The following ARMCX4 variants were observed in gnomAD, a reference collection of about 807,000 sequenced individuals.
ARMCX4 encodes armadillo repeat containing X-linked 4, also known as armadillo repeat-containing X-linked protein 4.
In ARMCX4, 3 loss-of-function variants were observed where a neutral mutation model predicts 34.7. The ratio of observed to expected loss-of-function variants is 0.09; its 90% CI spans 0.04 to 0.22. ARMCX4 has a LOEUF of 0.22. Among genes scored for constraint, ARMCX4 ranks in the 10% least tolerant of loss-of-function variants. The pLI is 1.00. For missense variants in ARMCX4, 1,448 were observed against 1,720.8 expected, an observed-to-expected ratio of 0.84 and a Z score of 2.81; for synonymous variants, 513 against 632.8, an observed-to-expected ratio of 0.81 and a Z score of 2.84.
At chrX:101,519,231 T>G (rs1400408258) in intron 11 of ARMCX4, among the ~76,000 whole-genome samples, 2 of 111,538 alleles carry the variant, frequency 1.8e-5, no homozygotes, top group Non-Finnish European at 3.8e-5. Context: ...TTCAGTTCTG[T>G]TAACTATAAG....
intron 1 of ARMCX4, among the ~76,000 whole-genome samples, 199 bp downstream of exon 1, chrX:101,485,729 T>G: frequency 8.9e-6 from 1 of 112,317 alleles, no homozygotes; most frequent in East Asian, 2.8e-4. Context: ...GGGGAGATTG[T>G]CTCTGCCAGA....
At chrX:101,529,634 C>A (rs781834131) in intron 11 of ARMCX4, among the ~76,000 whole-genome samples, 2 of 112,044 alleles carry the variant, frequency 1.8e-5, no homozygotes, top group African/African-American at 6.5e-5. Flanking sequence ...AACAAATTTA[C>A]AAGAAAAAAT....
chrX:101,425,235 G>A (rs1555990722), intron 2 of ARMCX4, among the ~76,000 whole-genome samples: 2 of 111,644 alleles, frequency 1.8e-5, no homozygotes. Context: ...AATGTCCATT[G>A]CTGCTCAGAG....
rs1262784579 is a variant in ARMCX4 at position 101,492,557 on chromosome X, C to A, written c.3968C>A (p.Ala1323Asp). 7 of 1,130,066 alleles carry A rather than the reference C, an allele frequency of 6.2e-6. No individual in the cohort carries two copies. The African/African-American group carries it at 1.3e-4, about 21-fold the overall frequency. 93.1% of individuals were successfully genotyped at this position (1,130,066 alleles called of 1,213,427 possible). A position where few individuals can be genotyped will look rare whatever the true frequency, so the allele number is the denominator to read the frequency against. The change falls in exon 6 of 6, where the codon GCC (alanine) becomes GAC (aspartate). Residue 1323 changes from alanine (A) to aspartate (D), a missense_variant. This residue lies in a region of ARMCX4 where 1,343 missense variants were observed against 1,540.7 expected (regional missense o/e 0.87). Coordinates refer to ENST00000423738, the MANE Select transcript of ARMCX4 (RefSeq NM_001256155.3). ...TCCAAGCCTAGATTTGAGGATCAAG[C>A]CAGTGGAGAAGGGTCCTGGGCTGGG... is the stretch of plus-strand genomic sequence containing the variant. ...GGSKPRFEDQ[A>D]SGEGSWAGAG... is the part of the protein sequence containing the mutation.
chrX:101,431,849 A>G (rs993173808), intron 2 of ARMCX4, among the ~76,000 whole-genome samples: 3 of 112,360 alleles, frequency 2.7e-5, no homozygotes, highest in African/African-American at 3.2e-5. Flanking sequence ...GGCCTGCACC[A>G]TGTTTCTTAA....
Position 101,492,844 on chromosome X carries a change from G to GACC in ARMCX4, c.4257_4259dup (p.Asp1419_Gln1420insHis). The GACC allele has an allele frequency of 8.7e-7, 1 of 1,155,282 alleles. No individual in the cohort carries two copies. The highest frequency in any genetic ancestry group is 1.1e-6 in the Non-Finnish European group (1 of 872,639). ...TGGAGGGTCCAAGGTGGGGCCTGAA[G>GACC]ACCAGTCCAGTGGAAGGTCATGGGC... On this transcript the variant is annotated inframe_insertion, in exon 6 of 6. Coordinates refer to ENST00000423738, the MANE Select transcript of ARMCX4 (RefSeq NM_001256155.3).
At chrX:101,485,942 C>T in intron 1 of ARMCX4, 81 bp from the exon 2 acceptor site, 1 of 111,415 alleles carries the variant, frequency 9.0e-6, no homozygotes, top group South Asian at 3.8e-4. Flanking sequence ...TTCCTGAACC[C>T]GGAAAGGCGA....
chrX:101,483,739 A>C (rs1225759180), upstream of ARMCX4, among the ~76,000 whole-genome samples: 1 of 109,741 alleles, frequency 9.1e-6, no homozygotes, highest in Non-Finnish European at 1.9e-5. Context: ...CAATTAATTT[A>C]TCAATATTTT....
chrX:101,454,417 A>G (rs1473318613), intron 4 of ARMCX4, among the ~76,000 whole-genome samples: 83 of 107,247 alleles, frequency 7.7e-4, no homozygotes, highest in Non-Finnish European at 6.1e-4. Flanking sequence ...CTGGGACTAT[A>G]GGTGCCTGCC....
chrX:101,469,913 GAAT>G (rs1932861566), intron 4 of ARMCX4, among the ~76,000 whole-genome samples: 1 of 111,615 alleles, frequency 9.0e-6, no homozygotes. Context: ...AGAAATTTCT[GAAT>G]AACCTGTCCC....
At chrX:101,534,802 T>G (rs1356592498), downstream of ARMCX4, among the ~76,000 whole-genome samples, 2 of 111,736 alleles carry the variant, frequency 1.8e-5, no homozygotes, top group Non-Finnish European at 3.8e-5. Context: ...CAATCCAGGC[T>G]GCATATGCAC....
chrX:101,512,285 G>C (rs1458155432), intron 11 of ARMCX4, among the ~76,000 whole-genome samples: 2 of 111,610 alleles, frequency 1.8e-5, no homozygotes, highest in African/African-American at 6.5e-5. Flanking sequence ...GCAGGAGAAT[G>C]GCTTGAACCC....
chrX:101,482,274 T>C (rs1933484574), upstream of ARMCX4, among the ~76,000 whole-genome samples: 1 of 112,104 alleles, frequency 8.9e-6, no homozygotes, highest in African/African-American at 3.2e-5. Flanking sequence ...GACATGTATG[T>C]GTATATCATG....
intron 8 of ARMCX4, among the ~76,000 whole-genome samples, chrX:101,505,782 C>T (rs782609414): frequency 1.8e-5 from 2 of 112,492 alleles, no homozygotes; most frequent in Admixed American, 1.9e-4. Flanking sequence ...AGTTCAGTGA[C>T]ATTAAATACA....
intron 2 of ARMCX4, among the ~76,000 whole-genome samples, chrX:101,432,209 T>C (rs1930082288): frequency 8.9e-6 from 1 of 111,764 alleles, no homozygotes; most frequent in Non-Finnish European, 1.9e-5. Context: ...CTTGAAGCCC[T>C]CTATGACCAC....
intron 11 of ARMCX4, among the ~76,000 whole-genome samples, chrX:101,518,881 A>G (rs1437705693): frequency 9.0e-6 from 1 of 110,734 alleles, no homozygotes; most frequent in Non-Finnish European, 1.9e-5. Flanking sequence ...ATTTTATTTT[A>G]TATTTATAAA....
At chrX:101,515,352 T>TTTCTTTCTTTCTTTCTTTCC (rs1556017403) in intron 11 of ARMCX4, among the ~76,000 whole-genome samples, 2 of 36,009 alleles carry the variant, frequency 5.6e-5, no homozygotes, top group African/African-American at 1.1e-4. Flanking sequence ...CTTTTCTTTC[T>TTTCTTTCTTTCTTTCTTTCC]TTCTTTCTTT....
At chrX:101,474,582 C>A (rs1397546766) in intron 4 of ARMCX4, among the ~76,000 whole-genome samples, 1 of 103,901 alleles carries the variant, frequency 9.6e-6, no homozygotes, top group Admixed American at 1.1e-4. Flanking sequence ...CAAACTGAAT[C>A]CAGCAGCACA....
intron 8 of ARMCX4, among the ~76,000 whole-genome samples, chrX:101,508,499 A>G (rs782294355): frequency 1.9e-3 from 206 of 110,711 alleles, no homozygotes; most frequent in Non-Finnish European, 3.5e-3. Flanking sequence ...TCTTATAAGG[A>G]CACCAATCCT....
Sources: allele counts gnomAD v4.1 joint callset (sites outside exome capture counted in the v4.1 genomes callset), GRCh38; gene constraint gnomAD v4.1.1; regional missense constraint gnomAD v4.1.1; transcripts MANE v1.5; gene names NCBI Gene and HGNC (gene_info 2026-07-23, HGNC 2026-07-21).